Variants in QKI observed in about 807,000 individuals in gnomAD.
The protein encoded by QKI is QKI, KH domain containing RNA binding, also known as KH domain-containing RNA-binding protein QKI.
Under a neutral mutation model 39.0 loss-of-function variants are expected in QKI, and 10 were observed. That is an observed-to-expected ratio of 0.26 (90% CI 0.16 to 0.43). The LOEUF (loss-of-function observed/expected upper bound fraction) is 0.43, where lower values mean the gene tolerates loss of function less well. Among genes scored for constraint, QKI ranks in the 20% least tolerant of loss-of-function variants. QKI has a pLI of 1.00. For missense variants in QKI, 218 were observed against 428.0 expected (o/e 0.51, Z 4.33); for synonymous variants, 204 against 155.4 (o/e 1.31, Z -2.33).
At chr6:163,525,185 A>C (rs888794813) in intron 3 of QKI, among the ~76,000 whole-genome samples, 1 of 151,818 alleles carries the variant, frequency 6.6e-6, no homozygotes, top group Non-Finnish European at 1.5e-5. Flanking sequence ...ATGTGCTGCC[A>C]CTCTCAACAT....
intron 2 of QKI, among the ~76,000 whole-genome samples, chr6:163,469,247 T>C (rs140631001): frequency 1.5e-4 from 23 of 152,246 alleles, no homozygotes; most frequent in African/African-American, 4.8e-4. Context: ...TTGAAAAGCA[T>C]GGGGTATGCC....
rs956500674 is a variant in QKI, at chr6:163,567,949, C to T, written c.1009+1154C>T. 3 of 984,548 alleles carry T rather than the reference C, an allele frequency of 3.0e-6. No homozygotes were observed. The African/African-American group carries it at 5.2e-5, about 17-fold the overall frequency. The allele number at this position is 984,548 out of a possible 1,614,324, so 61.0% of individuals were successfully genotyped here. On this transcript the variant is annotated intron_variant, in intron 7 of 7. Transcript: ENST00000361752. Reference sequence around the variant, plus strand: ...CCACATCAGAAATAACATGCCTTTCCCAAAGACATTGTTAATATTTGTTTA... The same window carrying T: ...CCACATCAGAAATAACATGCCTTTCTCAAAGACATTGTTAATATTTGTTTA...
chr6:163,461,250 C>T (rs1791328621), intron 2 of QKI, among the ~76,000 whole-genome samples: 1 of 152,162 alleles, frequency 6.6e-6, no homozygotes, highest in Non-Finnish European at 1.5e-5. Context: ...GGATATACCA[C>T]ATTTCTTAGA....
intron 4 of QKI, among the ~76,000 whole-genome samples, chr6:163,545,904 C>G (rs1349640270): frequency 6.6e-6 from 1 of 151,206 alleles, no homozygotes. Context: ...TTTACTTTAA[C>G]TTTGTATTCC....
rs887739747 is a variant in QKI at position 163,571,162 on chromosome 6, A to G, written c.*452A>G. 6.5e-6 allele frequency: 1 copy of G among 153,146 alleles called. No homozygotes were observed. Among genetic ancestry groups the G allele is most frequent in the Non-Finnish European group, 1.5e-5 (1 of 68,744 alleles). The allele number at this position is 153,146 out of a possible 1,614,324, so 9.5% of individuals were successfully genotyped here. A position where few individuals can be genotyped will look rare whatever the true frequency, so the allele number is the denominator to read the frequency against. On this transcript the variant is annotated 3_prime_UTR_variant, in exon 8 of 8. Coordinates refer to ENST00000361752, the MANE Select transcript of QKI (RefSeq NM_006775.3). Reference sequence around the variant, plus strand: ...CTCTCTCTGAATGTACTGTGTGATGATGCATCATGCATGAACCTTCGGTCA... The same window carrying G: ...CTCTCTCTGAATGTACTGTGTGATGGTGCATCATGCATGAACCTTCGGTCA...
chr6:163,558,706 C>G (rs1240161255), intron 4 of QKI, among the ~76,000 whole-genome samples: 1 of 152,090 alleles, frequency 6.6e-6, no homozygotes, highest in Non-Finnish European at 1.5e-5. Flanking sequence ...GCCAGTGAAC[C>G]CTGTTGTCTC....
intron 2 of QKI, among the ~76,000 whole-genome samples, chr6:163,474,505 C>T (rs1174510183): frequency 6.6e-6 from 1 of 151,796 alleles, no homozygotes; most frequent in Non-Finnish European, 1.5e-5. Context: ...TGTTCATATA[C>T]CAGAAACAGA....
At chr6:163,560,406 A>G (rs1051295352) in intron 4 of QKI, among the ~76,000 whole-genome samples, 3 of 152,218 alleles carry the variant, frequency 2.0e-5, no homozygotes, top group African/African-American at 7.2e-5. Context: ...GTTTTAAAGA[A>G]TGTATTGACC....
At chr6:163,416,427 T>C (rs1421239518) in intron 1 of QKI, 1 of 159,416 alleles carries the variant, frequency 6.3e-6, no homozygotes, top group Non-Finnish European at 1.4e-5. Context: ...GTTTGTTTGT[T>C]TTTTTTTCCT....
Position 163,571,930 on chromosome 6 carries a change from C to T in QKI, c.*1220C>T, listed in dbSNP as rs969337454. ...AAAGATCAGCTCCTCCCTCAGAATA[C>T]AAGTTAATGCATGTTACTCAGTCGC... On this transcript the variant is annotated 3_prime_UTR_variant, in exon 8 of 8. Transcript: ENST00000361752. The T allele has an allele frequency of 1.3e-5, 2 of 152,046 alleles. No homozygotes were observed. Among genetic ancestry groups the T allele is most frequent in the African/African-American group, 4.8e-5 (2 of 41,392 alleles). The allele number at this position is 152,046 out of a possible 1,614,324, so 9.4% of individuals were successfully genotyped here.
chr6:163,467,412 G>A (rs1327784081), intron 2 of QKI, among the ~76,000 whole-genome samples: 2 of 152,154 alleles, frequency 1.3e-5, no homozygotes, highest in African/African-American at 2.4e-5. Flanking sequence ...GCTGTTCTCA[G>A]GATAAATCCC....
rs1781109532 is a variant in QKI, at chr6:163,534,989, A to T, written c.410A>T (p.Gln137Leu). Residue 137 changes from glutamine (Q) to leucine (L), a missense_variant, in exon 4 of 8, where the codon CAA becomes CTA. Transcript: ENST00000361752. ...ACTCTGTAAATTTTTTAGGAGGAGCAAAATAGAGGCAAGCCCAATTGGGAG... is the reference window on the plus strand; with the variant it reads ...ACTCTGTAAATTTTTTAGGAGGAGCTAAATAGAGGCAAGCCCAATTGGGAG... ...GSMRDKKKEEQNRGKPNWEHL... is the reference protein window; with the variant it reads ...GSMRDKKKEELNRGKPNWEHL... The T allele has an allele frequency of 6.3e-7, 1 of 1,599,052 alleles. No homozygotes were observed. Among genetic ancestry groups the T allele is most frequent in the African/African-American group, 1.3e-5 (1 of 74,158 alleles).
At chr6:163,458,874 A>C (rs758414781) in intron 2 of QKI, among the ~76,000 whole-genome samples, 1 of 150,556 alleles carries the variant, frequency 6.6e-6, no homozygotes, top group Non-Finnish European at 1.5e-5. Flanking sequence ...AATTCTTTTG[A>C]AAAAAACTCT....
At chr6:163,503,585 G>T (rs541532866) in intron 3 of QKI, among the ~76,000 whole-genome samples, 2 of 152,152 alleles carry the variant, frequency 1.3e-5, no homozygotes, top group Admixed American at 1.3e-4. Flanking sequence ...AGTCCCACTT[G>T]TCAATTTTTG....
intron 3 of QKI, among the ~76,000 whole-genome samples, chr6:163,482,482 T>G (rs1011843258): frequency 6.6e-6 from 1 of 152,104 alleles, no homozygotes; most frequent in Non-Finnish European, 1.5e-5. Flanking sequence ...CTCAGTCCCC[T>G]AAGACTGTCT....
At chr6:163,550,467 A>T (rs1200498809) in intron 4 of QKI, among the ~76,000 whole-genome samples, 1 of 152,204 alleles carries the variant, frequency 6.6e-6, no homozygotes, top group African/African-American at 2.4e-5. Context: ...TTCTTACAGG[A>T]ATTTCAGTAA....
intron 5 of QKI, 32 bp from the exon 6 acceptor site, chr6:163,563,388 T>A: frequency 6.5e-7 from 1 of 1,546,560 alleles, no homozygotes. Flanking sequence ...GCTGTCTCTA[T>A]ACTTCTTTCT....
intron 1 of QKI, among the ~76,000 whole-genome samples, chr6:163,436,541 C>T (rs1267852391): frequency 2.0e-5 from 3 of 152,012 alleles, no homozygotes; most frequent in East Asian, 1.9e-4. Flanking sequence ...TGGCAAGGTG[C>T]GGTGGCTCAC....
At chr6:163,482,408 C>T (rs1047174617) in intron 3 of QKI, among the ~76,000 whole-genome samples, 1 of 152,108 alleles carries the variant, frequency 6.6e-6, no homozygotes, top group African/African-American at 2.4e-5. Context: ...CCAGAAAACA[C>T]CATCTGAATG....
Sources: allele counts gnomAD v4.1 joint callset (sites outside exome capture counted in the v4.1 genomes callset), GRCh38; gene constraint gnomAD v4.1.1; transcripts MANE v1.5; gene names NCBI Gene and HGNC (gene_info 2026-07-23, HGNC 2026-07-21).